PIK3R6: variants seen among roughly 807,000 people sequenced by gnomAD.
The protein encoded by PIK3R6 is phosphoinositide 3-kinase regulatory subunit 6.
In PIK3R6, 91 loss-of-function variants were observed where a neutral mutation model predicts 84.9. That is an observed-to-expected ratio of 1.07 (90% CI 0.90 to 1.28). PIK3R6 has a LOEUF of 1.28. Ranked by LOEUF, PIK3R6 falls within the 50% of genes most tolerant of loss-of-function variation. The pLI is 0.00. For synonymous variants in PIK3R6, 416 were observed against 411.4 expected, an observed-to-expected ratio of 1.01 and a Z score of -0.13; for missense variants, 996 against 985.1, an observed-to-expected ratio of 1.01 and a Z score of -0.15.
At chr17:8,829,438 A>C (rs1018492210) in intron 10 of PIK3R6, among the ~76,000 whole-genome samples, 1 of 148,652 alleles carries the variant, frequency 6.7e-6, no homozygotes, top group South Asian at 2.1e-4. Flanking sequence ...TCATGGATAC[A>C]CACACTGACA....
intron 7 of PIK3R6, 125 bp from the exon 8 acceptor site, chr17:8,835,581 C>A: frequency 1.2e-6 from 1 of 833,212 alleles, no homozygotes; most frequent in South Asian, 3.0e-5. Flanking sequence ...AAAGAGGAGT[C>A]TCAGATTCAA....
intron 1 of PIK3R6, among the ~76,000 whole-genome samples, chr17:8,859,640 G>A (rs2089224499): frequency 6.6e-6 from 1 of 152,224 alleles, no homozygotes; most frequent in South Asian, 2.1e-4. Context: ...AATAGGAGAA[G>A]AGGGAGGAGG....
chr17:8,814,736 G>A (rs115394979), intron 18 of PIK3R6, among the ~76,000 whole-genome samples: 3,449 of 152,218 alleles, frequency 0.023, 127 homozygotes, highest in African/African-American at 0.076. Flanking sequence ...GCAAAGAAAT[G>A]AAGGGAAGGA....
chr17:8,839,681 G>T lies in PIK3R6; in HGVS notation c.30C>A (p.Leu10=). ...GGAGCACAGCCTGCACGCTCCTCTG[G>T]AGGTCCAGCTCCACATCTGGGCAGT... The part of the protein sequence containing the change: MESSDVELD[L]QRSVQAVLRE... The change falls in exon 3 of 20, where the codon CTC becomes CTA. Residue 10 remains leucine, a synonymous_variant. Coordinates refer to ENST00000619866, the MANE Select transcript of PIK3R6 (RefSeq NM_001010855.4). This position sits in a 1 kb window ranked among gnomAD's most constrained non-coding sequence, Gnocchi z 4.2. The T allele has an allele frequency of 6.3e-7, 1 of 1,575,158 alleles. No homozygotes were observed. The highest frequency in any genetic ancestry group is 1.3e-5 in the African/African-American group (1 of 74,362).
At chr17:8,817,570 A>C (rs2087580963) in intron 18 of PIK3R6, among the ~76,000 whole-genome samples, 1 of 152,222 alleles carries the variant, frequency 6.6e-6, no homozygotes, top group South Asian at 2.1e-4. Context: ...TGAACCAGGG[A>C]GTCGGAGGTT....
intron 2 of PIK3R6, among the ~76,000 whole-genome samples, chr17:8,849,290 G>C (rs2088885951): frequency 6.6e-6 from 1 of 152,174 alleles, no homozygotes; most frequent in Non-Finnish European, 1.5e-5. Flanking sequence ...CTAGACACTG[G>C]AGCTAGACTA....
chr17:8,865,452 TG>T (rs2089385003), intron 1 of PIK3R6, among the ~76,000 whole-genome samples: 1 of 152,188 alleles, frequency 6.6e-6, no homozygotes, highest in South Asian at 2.1e-4. Context: ...ACACTCTGTC[TG>T]CCTCCTGTCC....
At chr17:8,825,912 C>A (rs1261051656) in intron 13 of PIK3R6, among the ~76,000 whole-genome samples, 1 of 152,148 alleles carries the variant, frequency 6.6e-6, no homozygotes, top group Non-Finnish European at 1.5e-5. Context: ...ACATATGTAA[C>A]AACAAAAAAG....
intron 1 of PIK3R6, among the ~76,000 whole-genome samples, chr17:8,857,958 A>T (rs2089183054): frequency 6.6e-6 from 1 of 151,978 alleles, no homozygotes; most frequent in African/African-American, 2.4e-5. Flanking sequence ...AGTAACTGTC[A>T]GAAAGCCTCC....
chr17:8,841,434 G>A (rs2088673713), intron 2 of PIK3R6, among the ~76,000 whole-genome samples: 1 of 152,176 alleles, frequency 6.6e-6, no homozygotes, highest in Non-Finnish European at 1.5e-5. Flanking sequence ...TACCGTCGAT[G>A]TATAAGAATT....
intron 7 of PIK3R6, among the ~76,000 whole-genome samples, chr17:8,835,709 C>A (rs1263460395): frequency 6.6e-6 from 1 of 152,102 alleles, no homozygotes; most frequent in Non-Finnish European, 1.5e-5. Context: ...CAGGCCTAGT[C>A]CCATGTTTAG....
At chr17:8,849,283 G>A (rs1338059957) in intron 2 of PIK3R6, among the ~76,000 whole-genome samples, 2 of 152,182 alleles carry the variant, frequency 1.3e-5, no homozygotes, top group African/African-American at 2.4e-5. Flanking sequence ...ATTAAGCCTA[G>A]ACACTGGAGC....
chr17:8,848,412 C>A (rs767504749), intron 2 of PIK3R6, among the ~76,000 whole-genome samples: 5 of 152,072 alleles, frequency 3.3e-5, no homozygotes, highest in African/African-American at 9.7e-5. Flanking sequence ...AAATATGTCA[C>A]GGGGCAATTT....
rs1435568365 is a variant in PIK3R6 at position 8,839,367 on chromosome 17, A to G, written c.97+247T>C. ...CATCTCAAAAACAAAAGAAAAAAAAAAGGAAAGAAAAAGGGTGGCAGATCC... is the reference window on the plus strand; with the variant it reads ...CATCTCAAAAACAAAAGAAAAAAAAGAGGAAAGAAAAAGGGTGGCAGATCC... On this transcript the variant is annotated intron_variant, in intron 3 of 19. Coordinates refer to ENST00000619866, the MANE Select transcript of PIK3R6 (RefSeq NM_001010855.4). This position sits in a 1 kb window ranked among gnomAD's most constrained non-coding sequence, Gnocchi z 4.2. Among the ~76,000 whole-genome samples the G allele has an allele frequency of 6.6e-6, 1 of 151,922 alleles. No homozygotes were observed. The highest frequency in any genetic ancestry group is 2.4e-5 in the African/African-American group (1 of 41,350).
intron 5 of PIK3R6, 110 bp from the exon 6 acceptor site, chr17:8,837,033 G>A: frequency 7.1e-6 from 6 of 847,652 alleles, no homozygotes; most frequent in Non-Finnish European, 1.1e-5. Context: ...TGGGAGAAGA[G>A]GTGGAAGGTC....
intron 2 of PIK3R6, among the ~76,000 whole-genome samples, chr17:8,849,529 C>G (rs994551077): frequency 2.0e-5 from 3 of 152,252 alleles, no homozygotes; most frequent in Non-Finnish European, 4.4e-5. Flanking sequence ...ATTTGGCAAT[C>G]AATCTTGGCT....
Position 8,829,559 on chromosome 17 carries a change from T to G in PIK3R6, c.889+147A>C, listed in dbSNP as rs796599064. Reference sequence around the variant, plus strand: ...ACGCATGCACACAGACACACACTCATGCACACATACACACACAGACACACT... The same window carrying G: ...ACGCATGCACACAGACACACACTCAGGCACACATACACACACAGACACACT... On this transcript the variant is annotated intron_variant, in intron 10 of 19. Coordinates refer to ENST00000619866, the MANE Select transcript of PIK3R6 (RefSeq NM_001010855.4). 3.8e-6 allele frequency: 3 copies of G among 780,208 alleles called. No homozygotes were observed. The Admixed American group carries it at 8.5e-5, about 22-fold the overall frequency. The allele number at this position is 780,208 out of a possible 1,614,324, so 48.3% of individuals were successfully genotyped here.
intron 13 of PIK3R6, among the ~76,000 whole-genome samples, chr17:8,825,557 G>A (rs189715434): frequency 2.6e-5 from 4 of 152,190 alleles, no homozygotes; most frequent in African/African-American, 7.2e-5. Context: ...ACAAGTACAC[G>A]TAAGTATTTA....
At chr17:8,806,153 C>T (rs1447111198) in intron 18 of PIK3R6, among the ~76,000 whole-genome samples, 1 of 152,196 alleles carries the variant, frequency 6.6e-6, no homozygotes, top group Non-Finnish European at 1.5e-5. Flanking sequence ...TGGGCGAAAG[C>T]CAGGTACGTT....
Sources: gnomAD v4.1 joint callset for allele counts (sites outside exome capture counted in the v4.1 genomes callset) on GRCh38, gnomAD v4.1.1 for gene constraint, Gnocchi (gnomAD v3.1) non-coding constraint, MANE v1.5 for transcripts, NCBI Gene and HGNC (gene_info 2026-07-23, HGNC 2026-07-21) for gene names.